Variants in STXBP5 observed in about 807,000 individuals in gnomAD.
STXBP5 encodes syntaxin binding protein 5.
A neutral mutation model predicts 152.4 loss-of-function variants in STXBP5; 50 were observed. The ratio of observed to expected loss-of-function variants is 0.33; its 90% CI spans 0.26 to 0.42. STXBP5 has a LOEUF of 0.42. Ranked by LOEUF, STXBP5 falls within the 10% of genes least tolerant of loss-of-function variation. The pLI is 1.00. For missense variants in STXBP5, 1,167 were observed against 1,388.6 expected (o/e 0.84, Z 2.54); for synonymous variants, 492 against 494.7 (o/e 0.99, Z 0.07).
intron 4 of STXBP5, among the ~76,000 whole-genome samples, chr6:147,260,401 A>G (rs375323867): frequency 3.3e-5 from 5 of 152,168 alleles, no homozygotes; most frequent in African/African-American, 4.8e-5. Flanking sequence ...TTCATCTTCT[A>G]TCGTGCCATG....
chr6:147,312,631 C>T lies in STXBP5; in HGVS notation c.1145+1104C>T, dbSNP rs1320659208. ...AGTTCCCTACAGTAGAACATTATCTCGTCCAAAATGTGAATAGTACTGAGG... is the reference window on the plus strand; with the variant it reads ...AGTTCCCTACAGTAGAACATTATCTTGTCCAAAATGTGAATAGTACTGAGG... On this transcript the variant is annotated intron_variant, in intron 11 of 27. Transcript: ENST00000321680. Among the ~76,000 whole-genome samples the T allele has an allele frequency of 3.9e-5, 6 of 152,070 alleles. No individual in the cohort carries two copies. The South Asian group carries it at 1.2e-3, about 31-fold the overall frequency.
intron 4 of STXBP5, among the ~76,000 whole-genome samples, chr6:147,255,501 TTTG>T (rs138694030): frequency 0.43 from 64,956 of 151,074 alleles, 14,182 homozygotes; most frequent in East Asian, 0.71. Flanking sequence ...TTTGTTCCTT[TTTG>T]TTGTTGTTGT....
At chr6:147,234,101 T>G (rs1778152901) in intron 2 of STXBP5, among the ~76,000 whole-genome samples, 1 of 151,760 alleles carries the variant, frequency 6.6e-6, no homozygotes, top group African/African-American at 2.4e-5. Flanking sequence ...ATTTTTTCAT[T>G]AAGAACTTTG....
chr6:147,311,868 G>A (rs372130090), intron 11 of STXBP5, among the ~76,000 whole-genome samples: 32 of 152,162 alleles, frequency 2.1e-4, no homozygotes, highest in East Asian at 7.7e-4. Context: ...GGCTTTCTAC[G>A]TCTACTCACT....
intron 8 of STXBP5, among the ~76,000 whole-genome samples, chr6:147,279,176 A>G (rs561491357): frequency 1.3e-5 from 2 of 152,362 alleles, no homozygotes; most frequent in Admixed American, 6.5e-5. Flanking sequence ...TATTTTCTGC[A>G]TAAGTAGTAC....
chr6:147,269,663 A>G (rs934657440), intron 7 of STXBP5, among the ~76,000 whole-genome samples: 24 of 152,180 alleles, frequency 1.6e-4, no homozygotes, highest in African/African-American at 5.8e-4. Context: ...AAAGACATGG[A>G]AGGCAAAAAT....
At chr6:147,265,785 C>T (rs1487227527) in intron 6 of STXBP5, among the ~76,000 whole-genome samples, 1 of 151,908 alleles carries the variant, frequency 6.6e-6, no homozygotes, top group Non-Finnish European at 1.5e-5. Context: ...CTGTGTGTTA[C>T]GTTAGAGGTA....
At chr6:147,316,652 C>T (rs533941429) in intron 16 of STXBP5, among the ~76,000 whole-genome samples, 1 of 152,258 alleles carries the variant, frequency 6.6e-6, no homozygotes, top group East Asian at 1.9e-4. Context: ...CGTAAAGCAG[C>T]AAGGATCTAA....
chr6:147,237,941 C>A (rs867990559), intron 3 of STXBP5, among the ~76,000 whole-genome samples: 1 of 152,216 alleles, frequency 6.6e-6, no homozygotes. Flanking sequence ...TTTCTGAGTC[C>A]TTTGAGGAAA....
chr6:147,357,257 AAGC>A (rs1784857368), intron 22 of STXBP5, among the ~76,000 whole-genome samples: 1 of 152,104 alleles, frequency 6.6e-6, no homozygotes, highest in South Asian at 2.1e-4. Flanking sequence ...AGTGGAAAAT[AAGC>A]AGAATCTTGA....
chr6:147,231,513 C>G (rs1778005618), intron 2 of STXBP5, among the ~76,000 whole-genome samples: 2 of 151,714 alleles, frequency 1.3e-5, no homozygotes, highest in South Asian at 4.2e-4. Flanking sequence ...AGAAATGTAT[C>G]TGAGATAGGA....
At position 147,327,260 on chromosome 6, in the gene STXBP5, T is replaced by C. The variant is rs1783311741; in HGVS notation, c.2064T>C (p.Ser688=). ...YRREPRSPRK[S]RQPSGAGLCD... ...GAGAACCCCGATCTCCTCGTAAATC[T>C]CGACAGCCTTCAGGAGGTAAAAAGA... Residue 688 remains serine (S), a synonymous_variant, in exon 18 of 28, where the codon TCT becomes TCC. Coordinates refer to ENST00000321680, the MANE Select transcript of STXBP5 (RefSeq NM_001127715.4). The C allele has an allele frequency of 1.2e-6, 2 of 1,610,746 alleles. No individual in the cohort carries two copies. The highest frequency in any genetic ancestry group is 2.7e-5 in the African/African-American group (2 of 74,696).
At chr6:147,383,101 C>T in intron 27 of STXBP5, 103 bp downstream of exon 27, 2 of 1,316,228 alleles carry the variant, frequency 1.5e-6, no homozygotes, top group South Asian at 1.4e-5. Context: ...CATGAATTTG[C>T]ATATATTCAT....
intron 16 of STXBP5, among the ~76,000 whole-genome samples, chr6:147,322,227 C>T (rs1353754697): frequency 6.6e-6 from 1 of 152,170 alleles, no homozygotes; most frequent in East Asian, 1.9e-4. Context: ...ACTCCTGTGT[C>T]AAGGCTGACT....
rs1028676521 is a variant in STXBP5 at position 147,291,635 on chromosome 6, G to A, written c.917+463G>A. Among the ~76,000 whole-genome samples the A allele has an allele frequency of 3.9e-5, 6 of 152,030 alleles. No homozygotes were observed. In the South Asian group the frequency reaches 6.2e-4, roughly 16 times the overall value. On this transcript the variant is annotated intron_variant, in intron 9 of 27. Coordinates refer to ENST00000321680, the MANE Select transcript of STXBP5 (RefSeq NM_001127715.4). ...TAATATTAAAGGGAGTTTGTTGGTT[G>A]TAGTTGAAGACATTGATTGTCACTA...
intron 16 of STXBP5, among the ~76,000 whole-genome samples, chr6:147,324,263 G>GTTTTTTTTTTTTTTTTTTTT (rs764684701): frequency 1.2e-5 from 1 of 85,042 alleles, no homozygotes; most frequent in Non-Finnish European, 2.3e-5. Flanking sequence ...GTTTTTTTTT[G>GTTTTTTTTTTTTTTTTTTTT]GTTTTTTTTT....
chr6:147,355,434 G>A (rs1411049450), intron 22 of STXBP5, among the ~76,000 whole-genome samples: 1 of 152,092 alleles, frequency 6.6e-6, no homozygotes, highest in African/African-American at 2.4e-5. Context: ...CTGGATGGAG[G>A]CATTAATGAC....
At chr6:147,357,158 T>C (rs1784852633) in intron 22 of STXBP5, among the ~76,000 whole-genome samples, 1 of 152,086 alleles carries the variant, frequency 6.6e-6, no homozygotes, top group South Asian at 2.1e-4. Context: ...ATGGGAGAGA[T>C]ACATGGCTAT....
At chr6:147,299,498 A>T (rs1270307566) in intron 9 of STXBP5, among the ~76,000 whole-genome samples, 2 of 152,026 alleles carry the variant, frequency 1.3e-5, no homozygotes, top group African/African-American at 4.8e-5. Flanking sequence ...TTCCAGACTC[A>T]TTATACGAAA....
Sources: allele counts gnomAD v4.1 joint callset (sites outside exome capture counted in the v4.1 genomes callset), GRCh38; gene constraint gnomAD v4.1.1; transcripts MANE v1.5; gene names NCBI Gene and HGNC (gene_info 2026-07-23, HGNC 2026-07-21).